Variants in C1QL4 observed in about 807,000 individuals in gnomAD.
The protein encoded by C1QL4 is complement C1q like 4.
In C1QL4, 5 loss-of-function variants were observed where a neutral mutation model predicts 13.4. That is an observed-to-expected ratio of 0.37 (90% CI 0.19 to 0.78). C1QL4 has a LOEUF of 0.78. Among genes scored for constraint, C1QL4 ranks in the 30% least tolerant of loss-of-function variants. C1QL4 has a pLI of 0.47. For synonymous variants in C1QL4, 168 were observed against 153.9 expected, an observed-to-expected ratio of 1.09 and a Z score of -0.68; for missense variants, 367 against 361.6, an observed-to-expected ratio of 1.01 and a Z score of -0.12.
In C1QL4 at chr12:49,336,426, C is replaced by T. The variant is rs777960114; in HGVS notation, c.52G>A (p.Gly18Arg). 1.3e-6 allele frequency: 2 copies of T among 1,548,626 alleles called. No individual in the cohort carries two copies. Among genetic ancestry groups the T allele is most frequent in the South Asian group, 1.2e-5 (1 of 85,740 alleles). Residue 18 changes from glycine (G) to arginine (R), a missense_variant, in exon 1 of 2, where the codon GGG becomes AGG. Gly to Arg is a moderately radical substitution (Grantham distance 125). Coordinates refer to ENST00000334221, the MANE Select transcript of C1QL4 (RefSeq NM_001008223.2). The surrounding 1 kb of genome is among the most constrained non-coding windows in gnomAD (Gnocchi z 7.7). ...AIPLLVHSSRGPAHYEMLGRC... is the reference protein window; with the variant it reads ...AIPLLVHSSRRPAHYEMLGRC... Reference sequence around the variant, plus strand: ...CCCAGCATCTCGTAGTGCGCTGGCCCGCGGGAGCTGTGCACCAGCAGCGGG... The same window carrying T: ...CCCAGCATCTCGTAGTGCGCTGGCCTGCGGGAGCTGTGCACCAGCAGCGGG...
At chr12:49,333,883 C>G (rs371521468) in intron 1 of C1QL4, among the ~76,000 whole-genome samples, 22 of 150,290 alleles carry the variant, frequency 1.5e-4, no homozygotes, top group Admixed American at 1.1e-3. Context: ...TTTCAAATTA[C>G]TATTCTCATT....
Sources: gnomAD v4.1 joint callset for allele counts (sites outside exome capture counted in the v4.1 genomes callset) on GRCh38, gnomAD v4.1.1 for gene constraint, Gnocchi (gnomAD v3.1) non-coding constraint, MANE v1.5 for transcripts, NCBI Gene and HGNC (gene_info 2026-07-23, HGNC 2026-07-21) for gene names.